The following MALRD1 variants were observed in gnomAD, a reference collection of about 807,000 sequenced individuals.
MALRD1 encodes MAM and LDL-receptor class A domain-containing protein 1.
Under a neutral mutation model 242.1 loss-of-function variants are expected in MALRD1, and 247 were observed. That is an observed-to-expected ratio of 1.02 (90% CI 0.92 to 1.13). The LOEUF (loss-of-function observed/expected upper bound fraction) is 1.13, where lower values mean the gene tolerates loss of function less well. MALRD1 is among the 50% of genes most tolerant of loss of function. MALRD1 has a pLI of 0.00. For missense variants in MALRD1, 2,989 were observed against 2,533.1 expected, an observed-to-expected ratio of 1.18 and a Z score of -3.86; for synonymous variants, 995 against 866.6, an observed-to-expected ratio of 1.15 and a Z score of -2.60.
At chr10:19,103,730 GTATT>G (rs1564393527) in intron 4 of MALRD1, among the ~76,000 whole-genome samples, 2 of 152,004 alleles carry the variant, frequency 1.3e-5, no homozygotes, top group East Asian at 3.9e-4. Context: ...ATCTAGGTGA[GTATT>G]GCTGCATTTC....
chr10:19,129,801 A>C (rs1318734283), intron 8 of MALRD1, among the ~76,000 whole-genome samples: 1 of 149,072 alleles, frequency 6.7e-6, no homozygotes, highest in Non-Finnish European at 1.5e-5. Flanking sequence ...ATCCAGATTT[A>C]TATGATTCAC....
chr10:19,415,721 A>G (rs1272698936), intron 28 of MALRD1, among the ~76,000 whole-genome samples: 1 of 152,204 alleles, frequency 6.6e-6, no homozygotes, highest in Non-Finnish European at 1.5e-5. Flanking sequence ...AAAAGACCCT[A>G]GGACAGCTTT....
At chr10:19,709,314 G>T (rs946547870) in intron 38 of MALRD1, among the ~76,000 whole-genome samples, 1 of 151,718 alleles carries the variant, frequency 6.6e-6, no homozygotes, top group South Asian at 2.1e-4. Context: ...CTACTTGGGG[G>T]CCTGAGGCAG....
At chr10:19,603,162 T>C (rs2131581817) in intron 34 of MALRD1, among the ~76,000 whole-genome samples, 1 of 152,334 alleles carries the variant, frequency 6.6e-6, no homozygotes, top group East Asian at 1.9e-4. Context: ...ACTCTGATGG[T>C]AATTTCTTTT....
At chr10:19,521,905 T>A (rs1402154872) in intron 31 of MALRD1, among the ~76,000 whole-genome samples, 1 of 152,170 alleles carries the variant, frequency 6.6e-6, no homozygotes. Flanking sequence ...TTGTTAACAC[T>A]GTTAATTCTC....
chr10:19,341,472 GTATATATATGTGTA>G (rs1259652183), intron 24 of MALRD1, among the ~76,000 whole-genome samples: 8 of 81,020 alleles, frequency 9.9e-5, no homozygotes, highest in African/African-American at 2.5e-4. Flanking sequence ...ATGTATATAT[GTATATATATGTGTA>G]TATATATGTA....
intron 12 of MALRD1, among the ~76,000 whole-genome samples, chr10:19,161,999 G>T (rs1588632767): frequency 6.6e-6 from 1 of 152,164 alleles, no homozygotes; most frequent in East Asian, 1.9e-4. Flanking sequence ...CTGCACTCCA[G>T]CCTGGGCAAC....
intron 21 of MALRD1, among the ~76,000 whole-genome samples, chr10:19,316,726 G>A (rs73593866): frequency 0.079 from 12,014 of 151,774 alleles, 1,038 homozygotes; most frequent in African/African-American, 0.22. Flanking sequence ...ACATAAAACA[G>A]TTGAACTCAT....
chr10:19,448,875 C>A (rs906514307), intron 28 of MALRD1, among the ~76,000 whole-genome samples: 1 of 151,874 alleles, frequency 6.6e-6, no homozygotes, highest in African/African-American at 2.4e-5. Flanking sequence ...AAAATTATCA[C>A]TTTTCCTCCT....
chr10:19,233,374 T>C (rs941828094), intron 18 of MALRD1, among the ~76,000 whole-genome samples: 1 of 151,858 alleles, frequency 6.6e-6, no homozygotes, highest in Admixed American at 6.6e-5. Context: ...TGGTGGCGAG[T>C]GCCTGTCATC....
chr10:19,172,551 AT>A (rs1293686606), intron 13 of MALRD1, among the ~76,000 whole-genome samples: 2 of 151,586 alleles, frequency 1.3e-5, no homozygotes, highest in African/African-American at 4.8e-5. Context: ...ATGTAACCAC[AT>A]TTTAAAGACT....
chr10:19,466,761 G>T (rs34866604), intron 29 of MALRD1, among the ~76,000 whole-genome samples: 46,944 of 151,918 alleles, frequency 0.31, 7,802 homozygotes, highest in East Asian at 0.41. Flanking sequence ...TGGGAATGGG[G>T]TCCAGATCCA....
At chr10:19,353,276 G>A (rs929755083) in intron 26 of MALRD1, among the ~76,000 whole-genome samples, 1 of 151,970 alleles carries the variant, frequency 6.6e-6, no homozygotes, top group African/African-American at 2.4e-5. Flanking sequence ...CGAAGTACTG[G>A]GATTATAGGC....
intron 35 of MALRD1, 93 bp downstream of exon 35, chr10:19,607,995 T>C (rs1564480925): frequency 7.0e-7 from 1 of 1,426,540 alleles, no homozygotes; most frequent in Non-Finnish European, 9.4e-7. Flanking sequence ...TTCTAAACAA[T>C]GGCAAGCATG....
rs11009097 is a variant in MALRD1, at chr10:19,243,955, G to T, written c.2992-13729G>T. ...AAGTATGAAAGTAAGGATTTGAGAA[G>T]GGAAATTTTATTTTTAACTCTAAGA... On this transcript the variant is annotated intron_variant, in intron 18 of 39. Transcript: ENST00000454679. 5.9e-5 allele frequency among the ~76,000 whole-genome samples: 9 copies of T among 151,972 alleles called. No individual in the cohort carries two copies. In the South Asian group the frequency reaches 1.0e-3, roughly 18 times the overall value.
chr10:19,393,496 A>G (rs1589014177), intron 28 of MALRD1, among the ~76,000 whole-genome samples: 1 of 128,090 alleles, frequency 7.8e-6, no homozygotes, highest in South Asian at 2.5e-4. Context: ...CCCAGGCTGG[A>G]GTGCAGTGGT....
intron 12 of MALRD1, among the ~76,000 whole-genome samples, chr10:19,164,082 A>G (rs1264670753): frequency 1.3e-5 from 2 of 152,208 alleles, no homozygotes; most frequent in African/African-American, 4.8e-5. Context: ...CTCTCTTTCC[A>G]TGGAATTTAA....
chr10:19,210,505 GTTCT>G (rs1837002881), intron 18 of MALRD1, among the ~76,000 whole-genome samples: 1 of 151,684 alleles, frequency 6.6e-6, no homozygotes, highest in South Asian at 2.1e-4. Context: ...TTGAATATTT[GTTCT>G]TTCATCCTGT....
intron 18 of MALRD1, among the ~76,000 whole-genome samples, chr10:19,230,248 G>C (rs1408410910): frequency 6.6e-6 from 1 of 152,044 alleles, no homozygotes; most frequent in Non-Finnish European, 1.5e-5. Context: ...CTAATACACT[G>C]TCCATGAATG....
Sources: allele counts gnomAD v4.1 joint callset (sites outside exome capture counted in the v4.1 genomes callset), GRCh38; gene constraint gnomAD v4.1.1; transcripts MANE v1.5; gene names NCBI Gene and HGNC (gene_info 2026-07-23, HGNC 2026-07-21).